Variants in CNGB3 observed in about 807,000 individuals in gnomAD.
CNGB3 encodes the protein cyclic nucleotide gated channel subunit beta 3, also known as cyclic nucleotide-gated channel beta-3.
CNGB3 carries 86 observed loss-of-function variants against 92.8 expected under a neutral mutation model. The ratio of observed to expected loss-of-function variants is 0.93; its 90% CI spans 0.78 to 1.11. The LOEUF (loss-of-function observed/expected upper bound fraction) is 1.11, where lower values mean the gene tolerates loss of function less well. Among genes scored for constraint, CNGB3 ranks in the 50% least tolerant of loss-of-function variants. The pLI is 0.00. For synonymous variants in CNGB3, 333 were observed against 332.7 expected, an observed-to-expected ratio of 1.00 and a Z score of -0.01; for missense variants, 1,026 against 956.8, an observed-to-expected ratio of 1.07 and a Z score of -0.95.
chr8:86,632,316 G>A (rs1026478936), intron 11 of CNGB3, among the ~76,000 whole-genome samples: 1 of 151,718 alleles, frequency 6.6e-6, no homozygotes, highest in African/African-American at 2.4e-5. Context: ...AATACAAGGA[G>A]ATGCTATAGT....
At chr8:86,600,883 G>A (rs1308873606) in intron 15 of CNGB3, among the ~76,000 whole-genome samples, 1 of 137,070 alleles carries the variant, frequency 7.3e-6, no homozygotes, top group African/African-American at 2.7e-5. Flanking sequence ...ACCCGCCTCA[G>A]CCTCCCAACG....
chr8:86,673,210 T>C (rs754518797), intron 3 of CNGB3, among the ~76,000 whole-genome samples: 57 of 152,340 alleles, frequency 3.7e-4, no homozygotes, highest in Middle Eastern at 3.4e-3. Flanking sequence ...AATAAAAACA[T>C]GTGCAAAGTA....
intron 15 of CNGB3, among the ~76,000 whole-genome samples, chr8:86,581,943 C>T (rs1563713943): frequency 2.0e-5 from 3 of 152,078 alleles, no homozygotes; most frequent in Non-Finnish European, 2.9e-5. Context: ...TAAAATGTCA[C>T]ACTAGAGGCC....
chr8:86,648,132 T>C (rs1823325612), intron 7 of CNGB3, among the ~76,000 whole-genome samples: 1 of 151,172 alleles, frequency 6.6e-6, no homozygotes, highest in South Asian at 2.1e-4. Context: ...TCCTTAGGCG[T>C]TGCATTTACT....
intron 15 of CNGB3, among the ~76,000 whole-genome samples, chr8:86,591,924 C>A (rs12544810): frequency 6.6e-6 from 1 of 151,818 alleles, no homozygotes; most frequent in African/African-American, 2.4e-5. Context: ...CAATGGCGGG[C>A]GCCCCTCCCC....
intron 3 of CNGB3, among the ~76,000 whole-genome samples, chr8:86,709,323 A>G (rs77338666): frequency 0.081 from 12,303 of 152,182 alleles, 991 homozygotes; most frequent in African/African-American, 0.21. Flanking sequence ...TATTTTGTCA[A>G]CTTGTCCCCT....
At chr8:86,628,857 T>G in intron 12 of CNGB3, 62 bp downstream of exon 12, 1 of 1,568,084 alleles carries the variant, frequency 6.4e-7, no homozygotes, top group Admixed American at 1.7e-5. Flanking sequence ...TCTGCTACCT[T>G]ACAGAATTTT....
At chr8:86,656,031 C>A (rs1287335838) in intron 6 of CNGB3, among the ~76,000 whole-genome samples, 1 of 152,188 alleles carries the variant, frequency 6.6e-6, no homozygotes, top group East Asian at 1.9e-4. Context: ...ACTCCCCACA[C>A]TACTGACTTT....
Position 86,582,328 on chromosome 8 carries a change from A to G in CNGB3, c.1782-3076T>C, listed in dbSNP as rs140324894. ...AGAATCGCTTGAGCTCAGAGGGTGGAGGTTGCGGTGAGCCAAGATTGCACC... is the reference window on the plus strand; with the variant it reads ...AGAATCGCTTGAGCTCAGAGGGTGGGGGTTGCGGTGAGCCAAGATTGCACC... On this transcript the variant is annotated intron_variant, in intron 15 of 17. Coordinates refer to ENST00000320005, the MANE Select transcript of CNGB3 (RefSeq NM_019098.5). 5.5e-3 allele frequency among the ~76,000 whole-genome samples: 832 copies of G among 151,180 alleles called. 6 individuals carry two copies. The highest frequency in any genetic ancestry group is 0.019 in the African/African-American group (775 of 41,162).
intron 15 of CNGB3, among the ~76,000 whole-genome samples, chr8:86,588,045 G>T (rs1821934730): frequency 7.2e-6 from 1 of 139,260 alleles, no homozygotes; most frequent in Non-Finnish European, 1.5e-5. Context: ...CCTTGAAGAG[G>T]TCCTTCACAT....
At position 86,574,328 on chromosome 8, in the gene CNGB3, A is replaced by T. The variant is rs914165933; in HGVS notation, c.*1476T>A. 2.6e-5 allele frequency: 4 copies of T among 152,080 alleles called. No homozygotes were observed. The highest frequency in any genetic ancestry group is 5.9e-5 in the Non-Finnish European group (4 of 68,008). 9.4% of individuals were successfully genotyped at this position (152,080 alleles called of 1,614,324 possible). A position where few individuals can be genotyped will look rare whatever the true frequency, so the allele number is the denominator to read the frequency against. ...TCTACCTTTTGTTTCTGGGTTTTTAAATCACCCTTTTTATACGCAATTCAC... is the reference window on the plus strand; with the variant it reads ...TCTACCTTTTGTTTCTGGGTTTTTATATCACCCTTTTTATACGCAATTCAC... On this transcript the variant is annotated 3_prime_UTR_variant, in exon 18 of 18. Coordinates refer to ENST00000320005, the MANE Select transcript of CNGB3 (RefSeq NM_019098.5).
At chr8:86,741,197 C>T (rs944659179) in intron 1 of CNGB3, among the ~76,000 whole-genome samples, 4 of 152,120 alleles carry the variant, frequency 2.6e-5, no homozygotes, top group Non-Finnish European at 5.9e-5. Flanking sequence ...AGTTCAGAGG[C>T]TTATTGTTTA....
rs77825481 is a variant in CNGB3, at chr8:86,648,387, G to A, written c.904-500C>T. 1.6e-3 allele frequency among the ~76,000 whole-genome samples: 239 copies of A among 151,104 alleles called. 5 individuals carry two copies. The East Asian group carries it at 0.037, about 23-fold the overall frequency. On this transcript the variant is annotated intron_variant, in intron 7 of 17. Coordinates refer to ENST00000320005, the MANE Select transcript of CNGB3 (RefSeq NM_019098.5). ...AATGCTTTCTACTCTTGTCTACTTC[G>A]AACCATTTTGCTACCAATAAACTGC...
At chr8:86,711,662 G>A (rs1457078023) in intron 3 of CNGB3, among the ~76,000 whole-genome samples, 1 of 151,974 alleles carries the variant, frequency 6.6e-6, no homozygotes, top group Admixed American at 6.6e-5. Flanking sequence ...TTTGTCTTTT[G>A]TCTGCTGACT....
intron 3 of CNGB3, among the ~76,000 whole-genome samples, chr8:86,684,230 T>G (rs1824139287): frequency 1.3e-5 from 2 of 151,928 alleles, no homozygotes; most frequent in South Asian, 4.2e-4. Flanking sequence ...AGATGGCAAA[T>G]AAGTAAATGA....
intron 4 of CNGB3, 110 bp from the exon 5 acceptor site, chr8:86,668,278 T>G: frequency 1.7e-6 from 2 of 1,146,844 alleles, no homozygotes; most frequent in South Asian, 1.3e-5. Context: ...TAAGTGGGAG[T>G]TGAACAATGA....
At chr8:86,605,883 T>C (rs1226337095) in intron 14 of CNGB3, among the ~76,000 whole-genome samples, 3 of 152,202 alleles carry the variant, frequency 2.0e-5, no homozygotes, top group Admixed American at 6.5e-5. Flanking sequence ...ACTCCACCTT[T>C]TAGTTAACAT....
chr8:86,647,979 T>C (rs1179684103), intron 7 of CNGB3, 92 bp from the exon 8 acceptor site: 1 of 822,664 alleles, frequency 1.2e-6, no homozygotes, highest in Non-Finnish European at 2.2e-6. Context: ...AGTTGACCAA[T>C]CACAATATAT....
intron 7 of CNGB3, among the ~76,000 whole-genome samples, chr8:86,650,664 A>G (rs920855538): frequency 6.6e-6 from 1 of 151,738 alleles, no homozygotes; most frequent in African/African-American, 2.4e-5. Context: ...AAAAAACAAT[A>G]GATGTTGGCA....
Sources: allele counts gnomAD v4.1 joint callset (sites outside exome capture counted in the v4.1 genomes callset), GRCh38; gene constraint gnomAD v4.1.1; transcripts MANE v1.5; gene names NCBI Gene and HGNC (gene_info 2026-07-23, HGNC 2026-07-21).